The following APBA2 variants were observed in gnomAD, a reference collection of about 807,000 sequenced individuals.
APBA2 encodes amyloid beta precursor protein binding family A member 2, also known as amyloid-beta A4 precursor protein-binding family A member 2.
Under a neutral mutation model 75.0 loss-of-function variants are expected in APBA2, and 30 were observed. The ratio of observed to expected loss-of-function variants is 0.40; its 90% CI spans 0.30 to 0.54. The LOEUF is 0.54. APBA2 is among the 20% of genes least tolerant of loss of function. The pLI is 0.49. For synonymous variants in APBA2, 444 were observed against 409.6 expected (o/e 1.08, Z -1.01); for missense variants, 801 against 1,016.1 (o/e 0.79, Z 2.88).
In APBA2 at chr15:29,060,321, G is replaced by A. The variant is rs78179662; in HGVS notation, c.951+5486G>A. Among the ~76,000 whole-genome samples, 1,105 of 152,306 alleles carry A rather than the reference G, an allele frequency of 7.3e-3. 15 individuals are homozygous for A. Among genetic ancestry groups the A allele is most frequent in the Middle Eastern group, 0.044 (13 of 294 alleles). ...GAGAGAGGGAGCTAGGGTTAGTCCCGTGTTGCAGATGGCACAGTTAAGTAG... is the reference window on the plus strand; with the variant it reads ...GAGAGAGGGAGCTAGGGTTAGTCCCATGTTGCAGATGGCACAGTTAAGTAG... On this transcript the variant is annotated intron_variant, in intron 4 of 14. Coordinates refer to ENST00000683413, the MANE Select transcript of APBA2 (RefSeq NM_001353788.2).
chr15:29,062,729 T>A (rs1177479804), intron 4 of APBA2, among the ~76,000 whole-genome samples: 2 of 151,924 alleles, frequency 1.3e-5, no homozygotes, highest in African/African-American at 4.9e-5. Context: ...ATCTAAAAAG[T>A]GCCTCTCCCC....
At chr15:29,068,875 G>A (rs776419543) in intron 4 of APBA2, among the ~76,000 whole-genome samples, 20 of 152,266 alleles carry the variant, frequency 1.3e-4, no homozygotes, top group Non-Finnish European at 2.1e-4. Flanking sequence ...TAATACACAC[G>A]TAACATAAAG....
At chr15:29,019,090 A>G (rs893157521) in intron 3 of APBA2, among the ~76,000 whole-genome samples, 1 of 152,200 alleles carries the variant, frequency 6.6e-6, no homozygotes. Context: ...GGCTAAGGCC[A>G]GGGCTGGAAA....
In APBA2 at chr15:28,967,351, T is replaced by C. The variant is rs2036792044; in HGVS notation, c.-94-28402T>C. ...TGATAGAGGGGAGAAGGAAAAGCAG[T>C]CTATATCATCTTGCTCTGGAACTAG... On this transcript the variant is annotated intron_variant, in intron 2 of 14. Transcript: ENST00000683413. Among the ~76,000 whole-genome samples, 3 of 152,202 alleles carry C rather than the reference T, an allele frequency of 2.0e-5. No homozygotes were observed. In the East Asian group the frequency reaches 5.8e-4, roughly 29 times the overall value.
At chr15:28,965,418 A>G (rs1167137711) in intron 2 of APBA2, among the ~76,000 whole-genome samples, 4 of 152,044 alleles carry the variant, frequency 2.6e-5, no homozygotes, top group African/African-American at 7.2e-5. Context: ...TGATTTCCCC[A>G]ATTTTATTCT....
rs1380733243 is a variant in APBA2, at chr15:28,918,715, G to GT, written c.-204-2924dup. On this transcript the variant is annotated intron_variant, in intron 1 of 14. Transcript: ENST00000683413. The surrounding 1 kb of genome is among the most constrained non-coding windows in gnomAD (Gnocchi z 4.2). ...GCTGCAGAGGCTACTGCTGGGCCTGGTGTCGCCATGGCAGCTGGAGAGCGG... is the reference window on the plus strand; with the variant it reads ...GCTGCAGAGGCTACTGCTGGGCCTGGTTGTCGCCATGGCAGCTGGAGAGCGG... 2.6e-5 allele frequency among the ~76,000 whole-genome samples: 4 copies of GT among 152,158 alleles called. No individual in the cohort carries two copies. Among genetic ancestry groups the GT allele is most frequent in the Admixed American group, 6.5e-5 (1 of 15,284 alleles).
chr15:28,998,485 G>A (rs375166883), intron 3 of APBA2, among the ~76,000 whole-genome samples: 1 of 152,090 alleles, frequency 6.6e-6, no homozygotes, highest in Admixed American at 6.6e-5. Context: ...CTAGCCCAAA[G>A]TGTTCTTTAA....
chr15:28,942,636 G>A (rs1194299790), intron 2 of APBA2, among the ~76,000 whole-genome samples: 1 of 152,154 alleles, frequency 6.6e-6, no homozygotes, highest in Non-Finnish European at 1.5e-5. Flanking sequence ...CTGCCAGCGC[G>A]GGATCCCCCA....
In APBA2 at chr15:29,105,569, C is replaced by T. The variant is rs1240309035; in HGVS notation, c.1704+11C>T. 9.3e-6 allele frequency: 15 copies of T among 1,612,684 alleles called. No homozygotes were observed. The African/African-American group carries it at 1.6e-4, about 17-fold the overall frequency. On this transcript the variant is annotated intron_variant, in intron 11 of 14. Coordinates refer to ENST00000683413, the MANE Select transcript of APBA2 (RefSeq NM_001353788.2). ...GAGAACTGCAAGGAGGTAAGCCACA[C>T]CCACCAGCCTCAGGGAGGCCACATT... is the stretch of plus-strand genomic sequence containing the variant.
At chr15:29,074,585 G>A (rs2042766158) in intron 4 of APBA2, among the ~76,000 whole-genome samples, 1 of 152,172 alleles carries the variant, frequency 6.6e-6, no homozygotes, top group Non-Finnish European at 1.5e-5. Context: ...AAGGTGGATG[G>A]TGACCATGGT....
intron 2 of APBA2, among the ~76,000 whole-genome samples, chr15:28,983,361 T>C (rs1340643368): frequency 6.6e-6 from 1 of 152,202 alleles, no homozygotes; most frequent in African/African-American, 2.4e-5. Context: ...GGTGTGTGTG[T>C]GGCGGGAGAG....
intron 2 of APBA2, among the ~76,000 whole-genome samples, chr15:28,934,702 A>G (rs1217395864): frequency 6.6e-6 from 1 of 152,166 alleles, no homozygotes; most frequent in East Asian, 1.9e-4. Flanking sequence ...CCTCAGAGCC[A>G]TAGGAGATGG....
chr15:29,049,923 A>G (rs750887679), intron 3 of APBA2, among the ~76,000 whole-genome samples: 8 of 152,196 alleles, frequency 5.3e-5, no homozygotes, highest in Non-Finnish European at 1.0e-4. Flanking sequence ...AAAGAGAAAA[A>G]GGCCATTAGG....
chr15:28,940,543 ACT>A (rs2035154473), intron 2 of APBA2, among the ~76,000 whole-genome samples: 3 of 145,412 alleles, frequency 2.1e-5, no homozygotes, highest in East Asian at 2.1e-4. Flanking sequence ...ACAGAGCGAG[ACT>A]CTGTATCAAA....
At chr15:29,066,085 T>C (rs532367861) in intron 4 of APBA2, among the ~76,000 whole-genome samples, 2 of 152,344 alleles carry the variant, frequency 1.3e-5, no homozygotes, top group Admixed American at 1.3e-4. Flanking sequence ...CCTCTGATTC[T>C]GCTTCTGGAG....
chr15:29,105,572 A>G lies in APBA2; in HGVS notation c.1704+14A>G, dbSNP rs372512033. On this transcript the variant is annotated intron_variant, in intron 11 of 14. Coordinates refer to ENST00000683413, the MANE Select transcript of APBA2 (RefSeq NM_001353788.2). ...AACTGCAAGGAGGTAAGCCACACCC[A>G]CCAGCCTCAGGGAGGCCACATTTGC... The G allele has an allele frequency of 6.2e-7, 1 of 1,612,238 alleles. No homozygotes were observed. Among genetic ancestry groups the G allele is most frequent in the South Asian group, 1.1e-5 (1 of 91,036 alleles).
chr15:28,888,932 AG>A (rs1401031462), intron 1 of APBA2, among the ~76,000 whole-genome samples: 1 of 151,846 alleles, frequency 6.6e-6, no homozygotes, highest in Non-Finnish European at 1.5e-5. Flanking sequence ...GTTGCTCACC[AG>A]GAGGCAGCCT....
intron 2 of APBA2, among the ~76,000 whole-genome samples, chr15:28,945,436 C>T (rs570868809): frequency 1.7e-4 from 26 of 151,698 alleles, no homozygotes; most frequent in Non-Finnish European, 3.4e-4. Context: ...GAAAATTTCA[C>T]GTTACAAAAA....
intron 7 of APBA2, among the ~76,000 whole-genome samples, chr15:29,093,897 G>T (rs1273494279): frequency 6.6e-6 from 1 of 152,184 alleles, no homozygotes; most frequent in Non-Finnish European, 1.5e-5. Context: ...GGGTGGGCAG[G>T]AGAAAGCCAG....
Sources: allele counts gnomAD v4.1 joint callset (sites outside exome capture counted in the v4.1 genomes callset), GRCh38; gene constraint gnomAD v4.1.1; non-coding constraint Gnocchi (gnomAD v3.1); transcripts MANE v1.5; gene names NCBI Gene and HGNC (gene_info 2026-07-23, HGNC 2026-07-21).